FASTKD3: variants seen among roughly 807,000 people sequenced by gnomAD.
FASTKD3 encodes FAST kinase domain-containing protein 3, mitochondrial.
In FASTKD3, 47 loss-of-function variants were observed where a neutral mutation model predicts 49.7. That is an observed-to-expected ratio of 0.95 (90% CI 0.75 to 1.21). The LOEUF (loss-of-function observed/expected upper bound fraction) is 1.21. FASTKD3 is among the 50% of genes most tolerant of loss of function. The probability of loss-of-function intolerance (pLI) is 0.00; values close to 1 mark genes in which losing one functional copy is unlikely to be tolerated. For synonymous variants in FASTKD3, 284 were observed against 288.6 expected (o/e 0.98, Z 0.16); for missense variants, 748 against 765.7 (o/e 0.98, Z 0.27).
intron 6 of FASTKD3, 131 bp from the exon 7 acceptor site, chr5:7,859,670 C>G: frequency 1.8e-6 from 1 of 558,938 alleles, no homozygotes; most frequent in East Asian, 3.0e-5. Context: ...GCAAATATCC[C>G]AACCAGCTTC....
In FASTKD3 at chr5:7,867,727, T is replaced by C. The variant is rs1274325085; in HGVS notation, c.357A>G (p.Ile119Met). Reference sequence around the variant, plus strand: ...TGTCAGGCAGGGTTTCCATCGTGCTTATAAAACTTAGCACTTCTTCTGATG... The same window carrying C: ...TGTCAGGCAGGGTTTCCATCGTGCTCATAAAACTTAGCACTTCTTCTGATG... ...LTSSEEVLSF[I>M]STMETLPDTM... Residue 119 changes from isoleucine (I) to methionine (M), a missense_variant, in exon 2 of 7, where the codon ATA becomes ATG. Physicochemically the swap from Ile to Met is conservative, Grantham distance 10. Around this residue, in one of 3 missense-constraint regions of FASTKD3, gnomAD observed 564 missense variants for 562.8 expected, o/e 1.00. Coordinates refer to ENST00000264669, the MANE Select transcript of FASTKD3 (RefSeq NM_024091.4). 1 of 1,614,236 alleles carries C rather than the reference T, an allele frequency of 6.2e-7. No homozygotes were observed. Among genetic ancestry groups the C allele is most frequent in the Admixed American group, 1.7e-5 (1 of 60,034 alleles).
rs1256553131 is a variant in FASTKD3 at position 7,867,156 on chromosome 5, G to A, written c.928C>T (p.Gln310Ter). ...LTALVVLDQS[Q>*]AFPLIIKLGK... ...AATTTTATAATCAGAGGAAATGCTTGACTTTGATCAAGAACCACCAGGGCA... is the reference window on the plus strand; with the variant it reads ...AATTTTATAATCAGAGGAAATGCTTAACTTTGATCAAGAACCACCAGGGCA... Residue 310 changes from glutamine (Q) to a stop codon, truncating the protein, a stop_gained, in exon 2 of 7, where the codon CAA (glutamine) becomes TAA (stop). Coordinates refer to ENST00000264669, the MANE Select transcript of FASTKD3 (RefSeq NM_024091.4). LOFTEE classifies it high-confidence loss of function. 6.2e-7 allele frequency: 1 copy of A among 1,614,128 alleles called. No individual in the cohort carries two copies. Among genetic ancestry groups the A allele is most frequent in the South Asian group, 1.1e-5 (1 of 91,080 alleles).
chr5:7,865,914 T>A lies in FASTKD3; in HGVS notation c.1508A>T (p.Glu503Val). 1 of 1,613,784 alleles carries A rather than the reference T, an allele frequency of 6.2e-7. No individual in the cohort carries two copies. Among genetic ancestry groups the A allele is most frequent in the Non-Finnish European group, 8.5e-7 (1 of 1,179,720 alleles). ...TGCTTTTACCTTATAGAAAGGGCAT[T>A]CCAGGACTGAGGCTAAGAAAAGTTG... ...LTQLFLASVL[E>V]CPFYKGPKLL... Residue 503 changes from glutamate (E) to valine (V), a missense_variant, in exon 3 of 7, where the codon GAA becomes GTA. Glu to Val is a moderately radical substitution (Grantham distance 121). This residue lies in a region of FASTKD3 where 178 missense variants were observed against 182.2 expected (regional missense o/e 0.98). Transcript: ENST00000264669.
chr5:7,862,735 G>T, intron 4 of FASTKD3, 88 bp downstream of exon 4: 1 of 1,166,698 alleles, frequency 8.6e-7, no homozygotes. Flanking sequence ...CATTTCCAGA[G>T]AACTTCTATT....
rs1747132315 is a variant in FASTKD3, at chr5:7,867,861, G to T, written c.223C>A (p.Pro75Thr). ...TGAGAGAACACTGGTCCACCGAGTG[G>T]ATGAAGGTCATTTCCATTTTTCGAA... ...FHSKNGNDLHPLGGPVFSQVS... is the reference protein window; with the variant it reads ...FHSKNGNDLHTLGGPVFSQVS... Residue 75 changes from proline to threonine, a missense_variant, in exon 2 of 7, where the codon CCA becomes ACA. Transcript: ENST00000264669. 6.2e-7 allele frequency: 1 copy of T among 1,614,036 alleles called. No homozygotes were observed. Among genetic ancestry groups the T allele is most frequent in the Non-Finnish European group, 8.5e-7 (1 of 1,180,032 alleles).
intron 3 of FASTKD3, among the ~76,000 whole-genome samples, chr5:7,865,514 A>T (rs1305036931): frequency 6.6e-6 from 1 of 152,246 alleles, no homozygotes; most frequent in Non-Finnish European, 1.5e-5. Flanking sequence ...GCTTAAAAAT[A>T]TACTGTACTT....
rs139472729 is a variant in FASTKD3 at position 7,867,855 on chromosome 5, C to T, written c.229G>A (p.Gly77Ser). Residue 77 changes from glycine to serine, a missense_variant, in exon 2 of 7, where the codon GGT becomes AGT. Transcript: ENST00000264669. ...SKNGNDLHPLGGPVFSQVSDC... is the reference protein window; with the variant it reads ...SKNGNDLHPLSGPVFSQVSDC... Reference sequence around the variant, plus strand: ...GATACTTGAGAGAACACTGGTCCACCGAGTGGATGAAGGTCATTTCCATTT... The same window carrying T: ...GATACTTGAGAGAACACTGGTCCACTGAGTGGATGAAGGTCATTTCCATTT... 2.5e-6 allele frequency: 4 copies of T among 1,614,144 alleles called. No individual in the cohort carries two copies. Among genetic ancestry groups the T allele is most frequent in the African/African-American group, 1.3e-5 (1 of 75,028 alleles).
In FASTKD3 at chr5:7,868,085, C is replaced by A. The variant is rs371947698; in HGVS notation, c.-2G>T. 24 of 1,564,594 alleles carry A rather than the reference C, an allele frequency of 1.5e-5. No individual in the cohort carries two copies. The highest frequency in any genetic ancestry group is 2.1e-5 in the Non-Finnish European group (24 of 1,157,100). On this transcript the variant is annotated 5_prime_UTR_variant, in exon 2 of 7. Transcript: ENST00000264669. ...CTTCCTCAAGGTGATTAATGCCATA[C>A]CATCAGATTCTCAATTTGATAACTA...
At chr5:7,868,797 G>A (rs937965184) in intron 1 of FASTKD3, among the ~76,000 whole-genome samples, 182 bp downstream of exon 1, 1 of 152,248 alleles carries the variant, frequency 6.6e-6, no homozygotes, top group Non-Finnish European at 1.5e-5. Flanking sequence ...CAGACAGACG[G>A]GAGGCCCCGC....
In FASTKD3 at chr5:7,861,193, T is replaced by C. The variant is rs1579532064; in HGVS notation, c.1840A>G (p.Ile614Val). ...NSKHLLGKEA[I>V]KQRHLQLLGY... is the part of the protein sequence containing the mutation. ...AGTAACTGTAGGTGTCTTTGTTTAA[T>C]AGCTTCTTTCCCCAGTAAGTGTTTG... The change falls in exon 6 of 7, where the codon ATT becomes GTT. Residue 614 changes from isoleucine to valine, a missense_variant. By Grantham distance (29) the Ile-to-Val change is conservative (BLOSUM62 3). Transcript: ENST00000264669. The C allele has an allele frequency of 6.2e-7, 1 of 1,612,798 alleles. No homozygotes were observed. The highest frequency in any genetic ancestry group is 8.5e-7 in the Non-Finnish European group (1 of 1,179,066).
Position 7,866,815 on chromosome 5 carries a change from T to G in FASTKD3, c.1269A>C (p.Pro423=), listed in dbSNP as rs1251510041. 4.3e-6 allele frequency: 7 copies of G among 1,614,176 alleles called. No homozygotes were observed. In the South Asian group the frequency reaches 7.7e-5, roughly 18 times the overall value. The change falls in exon 2 of 7, where the codon CCA becomes CCC. Residue 423 remains proline (P), a synonymous_variant. Transcript: ENST00000264669. ...GCTTTCTAAATAAAGCAGAGGCATTTGGTGGCAAATAATTGAGTTTCCCAA... is the reference window on the plus strand; with the variant it reads ...GCTTTCTAAATAAAGCAGAGGCATTGGGTGGCAAATAATTGAGTTTCCCAA... The part of the protein sequence containing the change: ...EPFGKLNYLP[P]NASALFRKLE...
intron 3 of FASTKD3, among the ~76,000 whole-genome samples, chr5:7,864,061 G>C (rs569676636): frequency 6.6e-6 from 1 of 152,176 alleles, no homozygotes; most frequent in East Asian, 1.9e-4. Context: ...ATGTTAGCAA[G>C]GCTGGTCTCG....
At position 7,862,821 on chromosome 5, in the gene FASTKD3, AC is replaced by A. The variant is rs1746654029; in HGVS notation, c.1699+1del. ...AACAACAAAACTCCTTATACTACTT[AC>A]CTATTGTATAACAATAGGGTGTCAA... On this transcript the variant is annotated splice_donor_variant, in intron 4 of 6. Transcript: ENST00000264669. LOFTEE classifies it high-confidence loss of function. The A allele has an allele frequency of 6.2e-7, 1 of 1,602,214 alleles. No individual in the cohort carries two copies.
chr5:7,862,673 G>A (rs374689287), intron 4 of FASTKD3, 150 bp downstream of exon 4: 39 of 667,264 alleles, frequency 5.8e-5, no homozygotes, highest in African/African-American at 5.2e-4. Flanking sequence ...TTGACTCAAC[G>A]GCTCTGCTGC....
chr5:7,864,880 T>A (rs748971139), intron 3 of FASTKD3, among the ~76,000 whole-genome samples: 47 of 150,884 alleles, frequency 3.1e-4, no homozygotes, highest in Admixed American at 2.0e-4. Context: ...CTAGTTTATA[T>A]ATGAAAAAAA....
chr5:7,867,049 C>T lies in FASTKD3; in HGVS notation c.1035G>A (p.Gly345=). The change falls in exon 2 of 7, where the codon GGG becomes GGA. Residue 345 remains glycine (G), a synonymous_variant. Transcript: ENST00000264669. ...CTTTTGTAAAAAATGTGTCATGGTGCCCAAAATATATGAACGCCTCCAAGA... is the reference window on the plus strand; with the variant it reads ...CTTTTGTAAAAAATGTGTCATGGTGTCCAAAATATATGAACGCCTCCAAGA... ...RRVLEAFIYF[G]HHDTFFTKAL... The T allele has an allele frequency of 6.2e-7, 1 of 1,614,110 alleles. No individual in the cohort carries two copies. The highest frequency in any genetic ancestry group is 1.3e-5 in the African/African-American group (1 of 75,020).
rs748777405 is a variant in FASTKD3, at chr5:7,859,494, C to G, written c.1930G>C (p.Val644Leu). The G allele has an allele frequency of 2.8e-5, 45 of 1,606,584 alleles. No homozygotes were observed. Among genetic ancestry groups the G allele is most frequent in the Non-Finnish European group, 3.8e-5 (45 of 1,176,524 alleles). Residue 644 changes from valine to leucine, a missense_variant, in exon 7 of 7, where the codon GTG (valine) becomes CTG (leucine). By Grantham distance (32) the Val-to-Leu change is conservative. This residue lies in a region of FASTKD3 where 178 missense variants were observed against 182.2 expected (regional missense o/e 0.98). Transcript: ENST00000264669. ...AACAGTTTTCTTTGTAAATATTCCA[C>G]CAATTCACGTCTTGATTTTAGCATC... ...IGMLKSRREL[V>L]EYLQRKLFSQ...
chr5:7,866,507 T>C, intron 2 of FASTKD3, 139 bp downstream of exon 2: 1 of 669,216 alleles, frequency 1.5e-6, no homozygotes, highest in Non-Finnish European at 2.6e-6. Context: ...TATGCCAGCA[T>C]CTGTTAACTT....
At chr5:7,863,107 A>G in intron 3 of FASTKD3, 110 bp from the exon 4 acceptor site, 1 of 908,966 alleles carries the variant, frequency 1.1e-6, no homozygotes, top group South Asian at 1.5e-5. Flanking sequence ...CTTTATAGGC[A>G]TGATACTTTT....
Sources: gnomAD v4.1 joint callset for allele counts (sites outside exome capture counted in the v4.1 genomes callset) on GRCh38, gnomAD v4.1.1 for gene constraint, gnomAD v4.1.1 regional missense constraint, MANE v1.5 for transcripts, NCBI Gene and HGNC (gene_info 2026-07-23, HGNC 2026-07-21) for gene names.